Variants in PKIB observed in about 807,000 individuals in gnomAD.
PKIB encodes the protein cAMP-dependent protein kinase inhibitor beta.
Under a neutral mutation model 4.5 loss-of-function variants are expected in PKIB, and 2 were observed. The ratio of observed to expected loss-of-function variants is 0.44; its 90% CI spans 0.18 to 1.39. The LOEUF is 1.39. PKIB is among the 40% of genes most tolerant of loss of function. The pLI is 0.27. For synonymous variants in PKIB, 38 were observed against 36.0 expected (o/e 1.06, Z -0.20); for missense variants, 94 against 92.6 (o/e 1.02, Z -0.06).
upstream of PKIB, among the ~76,000 whole-genome samples, chr6:122,606,688 A>G (rs1454828742): frequency 6.6e-6 from 1 of 152,134 alleles, no homozygotes; most frequent in Non-Finnish European, 1.5e-5. Flanking sequence ...ATTGTGAGAG[A>G]ATAAATTCCT....
At chr6:122,569,926 C>G (rs181724283) in intron 2 of PKIB, among the ~76,000 whole-genome samples, 83 of 152,284 alleles carry the variant, frequency 5.5e-4, no homozygotes, top group African/African-American at 2.0e-3. Flanking sequence ...AACAGGGAGG[C>G]AACCTCTCTG....
chr6:122,617,530 G>A (rs1003946991), intron 1 of PKIB, among the ~76,000 whole-genome samples: 1 of 152,064 alleles, frequency 6.6e-6, no homozygotes, highest in Non-Finnish European at 1.5e-5. Context: ...GTGAAACACT[G>A]GAGGAAACAA....
At chr6:122,559,280 T>TTA (rs1286925181) in intron 2 of PKIB, among the ~76,000 whole-genome samples, 2 of 151,194 alleles carry the variant, frequency 1.3e-5, no homozygotes, top group East Asian at 1.9e-4. Flanking sequence ...AGATACATAA[T>TTA]TATATATATA....
chr6:122,490,702 A>G (rs764367454), intron 2 of PKIB, among the ~76,000 whole-genome samples: 4 of 152,154 alleles, frequency 2.6e-5, no homozygotes, highest in Non-Finnish European at 4.4e-5. Flanking sequence ...TGACAGCACT[A>G]TGTTTCGTGT....
chr6:122,650,173 G>A (rs1334375789), intron 2 of PKIB, among the ~76,000 whole-genome samples: 2 of 152,086 alleles, frequency 1.3e-5, no homozygotes, highest in Non-Finnish European at 2.9e-5. Flanking sequence ...ACTTTAGAAA[G>A]GATATGTCTA....
At chr6:122,483,503 A>C (rs1172875884) in intron 2 of PKIB, 1 of 151,776 alleles carries the variant, frequency 6.6e-6, no homozygotes, top group African/African-American at 2.4e-5. Context: ...AATTAAATTG[A>C]CAAAAGGCAG....
intron 3 of PKIB, among the ~76,000 whole-genome samples, chr6:122,705,141 A>C (rs1779002922): frequency 6.6e-6 from 1 of 152,198 alleles, no homozygotes; most frequent in African/African-American, 2.4e-5. Flanking sequence ...TATTATAAAC[A>C]AGATCTATTG....
chr6:122,715,704 T>C (rs951889618), intron 3 of PKIB, among the ~76,000 whole-genome samples: 10 of 151,488 alleles, frequency 6.6e-5, no homozygotes, highest in Admixed American at 6.6e-4. Context: ...CTTTTAGATA[T>C]ATATATGTAT....
intron 2 of PKIB, among the ~76,000 whole-genome samples, chr6:122,501,869 G>C (rs965210762): frequency 2.0e-5 from 3 of 148,038 alleles, no homozygotes; most frequent in Non-Finnish European, 4.5e-5. Flanking sequence ...ATAAGTTCTA[G>C]TTTCAGTTCA....
intron 2 of PKIB, among the ~76,000 whole-genome samples, chr6:122,663,881 G>C (rs1777112747): frequency 6.6e-6 from 1 of 152,064 alleles, no homozygotes. Context: ...TTTGTTTTGG[G>C]GCTGAAGTGT....
rs147384772 is a variant in PKIB at position 122,665,002 on chromosome 6, G to A, written c.-75-10076G>A. 1.2e-3 allele frequency among the ~76,000 whole-genome samples: 185 copies of A among 152,222 alleles called. 3 individuals carry two copies. In the East Asian group the frequency reaches 0.02, roughly 17 times the overall value. ...AGTCTTCCTTGGACTAGAGTGAATG[G>A]CAGCCATGAAGTATACAGCCTGTAC... is the stretch of plus-strand genomic sequence containing the variant. On this transcript the variant is annotated intron_variant, in intron 2 of 4. Coordinates refer to ENST00000368452, the MANE Select transcript of PKIB (RefSeq NM_181795.3).
chr6:122,619,809 T>C (rs1172698273), intron 1 of PKIB, among the ~76,000 whole-genome samples: 1 of 152,174 alleles, frequency 6.6e-6, no homozygotes, highest in Non-Finnish European at 1.5e-5. Flanking sequence ...TGAAACTTTG[T>C]TATATGTTTT....
intron 2 of PKIB, among the ~76,000 whole-genome samples, chr6:122,548,121 G>T (rs1241965017): frequency 6.6e-6 from 1 of 152,018 alleles, no homozygotes; most frequent in African/African-American, 2.4e-5. Context: ...CTTACACAAG[G>T]GTAATTTAAT....
chr6:122,553,327 G>C (rs909945624), intron 2 of PKIB, among the ~76,000 whole-genome samples: 2 of 151,934 alleles, frequency 1.3e-5, no homozygotes, highest in Non-Finnish European at 2.9e-5. Flanking sequence ...GACCAAAACC[G>C]CAAATTACTT....
intron 3 of PKIB, among the ~76,000 whole-genome samples, chr6:122,686,914 G>A (rs1778114382): frequency 6.6e-6 from 1 of 151,912 alleles, no homozygotes; most frequent in Admixed American, 6.6e-5. Context: ...CTTTCCATGA[G>A]TTCTCTCTTC....
intron 3 of PKIB, among the ~76,000 whole-genome samples, chr6:122,677,343 TA>T (rs1174278769): frequency 1.3e-5 from 2 of 152,284 alleles, no homozygotes; most frequent in African/African-American, 2.4e-5. Flanking sequence ...TTGTTTTTTT[TA>T]AAACTGCCTC....
intron 2 of PKIB, chr6:122,479,140 C>T (rs916896250): frequency 6.6e-6 from 1 of 152,088 alleles, no homozygotes; most frequent in Non-Finnish European, 1.5e-5. Flanking sequence ...GAGAAATCAC[C>T]CACCTTCTAC....
At chr6:122,712,497 T>A (rs1161278274) in intron 3 of PKIB, among the ~76,000 whole-genome samples, 1 of 152,198 alleles carries the variant, frequency 6.6e-6, no homozygotes, top group Non-Finnish European at 1.5e-5. Context: ...GAGAGGTAGA[T>A]AAGGCATTTG....
At chr6:122,664,671 G>A (rs951814347) in intron 2 of PKIB, among the ~76,000 whole-genome samples, 5 of 151,984 alleles carry the variant, frequency 3.3e-5, no homozygotes, top group East Asian at 1.9e-4. Flanking sequence ...CTGGGATTAC[G>A]GATATGAGCC....
Sources: gnomAD v4.1 joint callset for allele counts (sites outside exome capture counted in the v4.1 genomes callset) on GRCh38, gnomAD v4.1.1 for gene constraint, MANE v1.5 for transcripts, NCBI Gene and HGNC (gene_info 2026-07-23, HGNC 2026-07-21) for gene names.